The following CCDC116 variants were observed in gnomAD, a reference collection of about 807,000 sequenced individuals.
CCDC116 encodes coiled-coil domain-containing protein 116.
A neutral mutation model predicts 29.4 loss-of-function variants in CCDC116; 24 were observed. The ratio of observed to expected loss-of-function variants is 0.82; its 90% CI spans 0.59 to 1.15. The LOEUF is 1.15. Ranked by LOEUF, CCDC116 falls within the 50% of genes most tolerant of loss-of-function variation. The pLI is 0.00. For missense variants in CCDC116, 791 were observed against 804.0 expected (o/e 0.98, Z 0.20); for synonymous variants, 298 against 331.4 (o/e 0.90, Z 1.10).
intron 4 of CCDC116, chr22:21,635,799 G>T: frequency 1.7e-6 from 1 of 584,918 alleles, no homozygotes; most frequent in South Asian, 2.2e-5. Context: ...TTTTTATGCT[G>T]GGTATTTTTT....
In CCDC116 at chr22:21,635,066, C is replaced by T. The variant is rs765855779; in HGVS notation, c.1003C>T (p.Leu335=). The stretch of plus-strand genomic sequence containing the variant: ...CGCCCACTGCCGCGACGGCCGTCCT[C>T]TGTTCCCCACCAGCTTGGAGCCCAC... The part of the protein sequence containing the change: ...RGAHCRDGRP[L]FPTSLEPTSD... Residue 335 remains leucine (L), a synonymous_variant, in exon 4 of 5, where the codon CTG becomes TTG. Transcript: ENST00000292779. The T allele has an allele frequency of 6.2e-7, 1 of 1,609,426 alleles. No homozygotes were observed. Among genetic ancestry groups the T allele is most frequent in the Admixed American group, 1.7e-5 (1 of 60,026 alleles).
Position 21,634,837 on chromosome 22 carries a change from G to A in CCDC116, c.774G>A (p.Pro258=), listed in dbSNP as rs763147643. Residue 258 remains proline (P), a synonymous_variant, in exon 4 of 5, where the codon CCG becomes CCA. Transcript: ENST00000292779. ...CTGGCGTGCCTGAAGCATCAGAGCC[G>A]AGGCCTGGAGAACAGGAGCCAATCT... ...SSSGVPEASE[P]RPGEQEPIFR... The A allele has an allele frequency of 6.2e-6, 10 of 1,613,896 alleles. No individual in the cohort carries two copies. Among genetic ancestry groups the A allele is most frequent in the African/African-American group, 4.0e-5 (3 of 74,926 alleles).
At chr22:21,633,954 A>G in intron 2 of CCDC116, 68 bp from the exon 3 acceptor site, 1 of 1,454,252 alleles carries the variant, frequency 6.9e-7, no homozygotes, top group South Asian at 1.3e-5. Flanking sequence ...CCCAGGTCCT[A>G]GTGTTACCCC....
In CCDC116 at chr22:21,635,107, T is replaced by C; in HGVS notation, c.1044T>C (p.Pro348=). ...TSLEPTSDLP[P]LGSEPAKPTN... is the part of the protein sequence containing the mutation. ...TGGAGCCCACCTCAGATCTGCCGCC[T>C]CTGGGCTCTGAGCCAGCTAAACCCA... is the stretch of plus-strand genomic sequence containing the variant. The change falls in exon 4 of 5, where the codon CCT becomes CCC. Residue 348 remains proline (P), a synonymous_variant. Transcript: ENST00000292779. The C allele has an allele frequency of 4.4e-6, 7 of 1,607,066 alleles. No homozygotes were observed. Among genetic ancestry groups the C allele is most frequent in the Non-Finnish European group, 5.9e-6 (7 of 1,179,968 alleles).
Position 21,634,204 on chromosome 22 carries a change from C to G in CCDC116, c.255C>G (p.Ser85Arg), listed in dbSNP as rs753169108. Reference sequence around the variant, plus strand: ...TAACTGAGAGCCAGGTCCTGGACAGCCTGGAGACAGTGGTGGAGAAGGCGA... The same window carrying G: ...TAACTGAGAGCCAGGTCCTGGACAGGCTGGAGACAGTGGTGGAGAAGGCGA... ...DFLTESQVLD[S>R]LETVVEKATE... The change falls in exon 3 of 5, where the codon AGC becomes AGG. Residue 85 changes from serine (S) to arginine (R), a missense_variant. Ser to Arg is a moderately radical substitution (Grantham distance 110). Transcript: ENST00000292779. 1 of 1,614,228 alleles carries G rather than the reference C, an allele frequency of 6.2e-7. No homozygotes were observed. The highest frequency in any genetic ancestry group is 1.1e-5 in the South Asian group (1 of 91,090).
Position 21,635,159 on chromosome 22 carries a change from C to G in CCDC116, c.1096C>G (p.Pro366Ala). 1.2e-6 allele frequency: 2 copies of G among 1,601,850 alleles called. No individual in the cohort carries two copies. Among genetic ancestry groups the G allele is most frequent in the Non-Finnish European group, 1.7e-6 (2 of 1,179,892 alleles). Residue 366 changes from proline to alanine, a missense_variant, in exon 4 of 5, where the codon CCC becomes GCC. Pro to Ala is a conservative substitution (Grantham distance 27). Coordinates refer to ENST00000292779, the MANE Select transcript of CCDC116 (RefSeq NM_152612.3). Reference sequence around the variant, plus strand: ...CAATGGCGGGCAGCCCTATGCTTCCCCCCGCCCCACAGTCTCCAGCCCCAA... The same window carrying G: ...CAATGGCGGGCAGCCCTATGCTTCCGCCCGCCCCACAGTCTCCAGCCCCAA... The part of the protein sequence containing the change: ...PTNGGQPYAS[P>A]RPTVSSPKML...
Position 21,635,047 on chromosome 22 carries a change from C to G in CCDC116, c.984C>G (p.His328Gln). Residue 328 changes from histidine to glutamine, a missense_variant, in exon 4 of 5, where the codon CAC (histidine) becomes CAG (glutamine). Transcript: ENST00000292779. Reference sequence around the variant, plus strand: ...CTGTGGATAAGCTCCGTGGCGCCCACTGCCGCGACGGCCGTCCTCTGTTCC... The same window carrying G: ...CTGTGGATAAGCTCCGTGGCGCCCAGTGCCGCGACGGCCGTCCTCTGTTCC... ...SQAVDKLRGAHCRDGRPLFPT... is the reference protein window; with the variant it reads ...SQAVDKLRGAQCRDGRPLFPT... The G allele has an allele frequency of 1.9e-6, 3 of 1,609,964 alleles. No individual in the cohort carries two copies. Among genetic ancestry groups the G allele is most frequent in the Non-Finnish European group, 2.5e-6 (3 of 1,180,002 alleles).
intron 4 of CCDC116, 65 bp downstream of exon 4, chr22:21,635,331 A>ACTCAGATC: frequency 7.3e-7 from 1 of 1,367,614 alleles, no homozygotes; most frequent in Non-Finnish European, 1.0e-6. Context: ...GAGGCACCTG[A>ACTCAGATC]CTCAGATCCC....
chr22:21,637,249 C>A lies in CCDC116; in HGVS notation c.*179C>A. The A allele has an allele frequency of 1.2e-6, 1 of 810,482 alleles. No individual in the cohort carries two copies. The highest frequency in any genetic ancestry group is 1.8e-6 in the Non-Finnish European group (1 of 553,098). 50.2% of individuals were successfully genotyped at this position (810,482 alleles called of 1,614,324 possible). On this transcript the variant is annotated 3_prime_UTR_variant, in exon 5 of 5. Transcript: ENST00000292779. ...ACAGGCTGAATGCCCACGAGGAGCT[C>A]TGCTGAGACTCTCAAGGGAGCCAGT... is the stretch of plus-strand genomic sequence containing the variant.
Position 21,634,176 on chromosome 22 carries a change from T to C in CCDC116, c.227T>C (p.Phe76Ser). ...HPQPFGHFLDFLTESQVLDSL... is the reference protein window; with the variant it reads ...HPQPFGHFLDSLTESQVLDSL... Reference sequence around the variant, plus strand: ...CAGCCCTTTGGCCACTTTCTGGATTTCCTAACTGAGAGCCAGGTCCTGGAC... The same window carrying C: ...CAGCCCTTTGGCCACTTTCTGGATTCCCTAACTGAGAGCCAGGTCCTGGAC... Residue 76 changes from phenylalanine (F) to serine (S), a missense_variant, in exon 3 of 5, where the codon TTC (phenylalanine) becomes TCC (serine). Transcript: ENST00000292779. 1 of 1,614,256 alleles carries C rather than the reference T, an allele frequency of 6.2e-7. No individual in the cohort carries two copies. The highest frequency in any genetic ancestry group is 8.5e-7 in the Non-Finnish European group (1 of 1,180,036).
In CCDC116 at chr22:21,636,835, A is replaced by C. The variant is rs1418183726; in HGVS notation, c.1607A>C (p.Gln536Pro). 3 of 1,613,356 alleles carry C rather than the reference A, an allele frequency of 1.9e-6. No homozygotes were observed. The highest frequency in any genetic ancestry group is 2.5e-6 in the Non-Finnish European group (3 of 1,180,024). The change falls in exon 5 of 5, where the codon CAG becomes CCG. Residue 536 changes from glutamine to proline, a missense_variant. Coordinates refer to ENST00000292779, the MANE Select transcript of CCDC116 (RefSeq NM_152612.3). Reference sequence around the variant, plus strand: ...CAGGAACCAGCCACCCACACTGCCCAGGACCAGGCCACAGAGCCCTGCCGC... The same window carrying C: ...CAGGAACCAGCCACCCACACTGCCCCGGACCAGGCCACAGAGCCCTGCCGC... Reference protein sequence around the residue: ...VQQEPATHTAQDQATEPCRSL... With the variant: ...VQQEPATHTAPDQATEPCRSL...
Position 21,634,762 on chromosome 22 carries a change from G to A in CCDC116, c.699G>A (p.Trp233Ter). The change falls in exon 4 of 5, where the codon TGG (tryptophan) becomes TGA (stop). Residue 233 changes from tryptophan to a stop codon, truncating the protein, a stop_gained. Transcript: ENST00000292779. LOFTEE classifies it high-confidence loss of function. ...TGGGTAGCCAGACCAGCTTTCAGTGGACACAGGAGCAGCCCTTGTCCTGGT... is the reference window on the plus strand; with the variant it reads ...TGGGTAGCCAGACCAGCTTTCAGTGAACACAGGAGCAGCCCTTGTCCTGGT... Reference protein sequence around the residue: ...DSLGSQTSFQWTQEQPLSWFS... With the variant: ...DSLGSQTSFQ 1 of 1,613,804 alleles carries A rather than the reference G, an allele frequency of 6.2e-7. No homozygotes were observed. The highest frequency in any genetic ancestry group is 8.5e-7 in the Non-Finnish European group (1 of 1,179,828).
intron 4 of CCDC116, chr22:21,635,893 C>T (rs1004640317): frequency 5.8e-5 from 27 of 467,376 alleles, no homozygotes; most frequent in Admixed American, 3.9e-5. Context: ...CAAGCCCAGC[C>T]GGGGCCTTGC....
chr22:21,633,623 C>T (rs1930642894), intron 2 of CCDC116, among the ~76,000 whole-genome samples: 1 of 152,156 alleles, frequency 6.6e-6, no homozygotes, highest in Non-Finnish European at 1.5e-5. Flanking sequence ...TGCAGCCCTG[C>T]CATGGATACA....
rs751448501 is a variant in CCDC116, at chr22:21,636,620, C to T, written c.1392C>T (p.Phe464=). The change falls in exon 5 of 5, where the codon TTC becomes TTT. Residue 464 remains phenylalanine (F), a synonymous_variant. Transcript: ENST00000292779. ...EKDLSKQLGF[F]SFPITHVLRD... Reference sequence around the variant, plus strand: ...ACCTCAGTAAGCAGCTGGGCTTCTTCTCCTTCCCCATCACCCACGTGCTCA... The same window carrying T: ...ACCTCAGTAAGCAGCTGGGCTTCTTTTCCTTCCCCATCACCCACGTGCTCA... The T allele has an allele frequency of 6.2e-7, 1 of 1,614,172 alleles. No individual in the cohort carries two copies. The highest frequency in any genetic ancestry group is 8.5e-7 in the Non-Finnish European group (1 of 1,180,020).
At position 21,633,103 on chromosome 22, in the gene CCDC116, C is replaced by A; in HGVS notation, c.-62-17C>A. The A allele has an allele frequency of 8.2e-7, 1 of 1,222,650 alleles. No individual in the cohort carries two copies. Among genetic ancestry groups the A allele is most frequent in the Non-Finnish European group, 1.2e-6 (1 of 847,878 alleles). The allele number at this position is 1,222,650 out of a possible 1,614,324, so 75.7% of individuals were successfully genotyped here. A position where few individuals can be genotyped will look rare whatever the true frequency, so the allele number is the denominator to read the frequency against. ...GACCTATTGGAGACCCTCAGGTTGT[C>A]TCCCCACCCCACGCAGAGAGGAATG... is the stretch of plus-strand genomic sequence containing the variant. On this transcript the variant is annotated splice_polypyrimidine_tract_variant and intron_variant, in intron 1 of 4. Transcript: ENST00000292779.
rs746628255 is a variant in CCDC116, at chr22:21,633,224, G to A, written c.43G>A (p.Glu15Lys). ...CCACTCGGGTTACCTGGCCGATGAC[G>A]AGGCCAGCCACTCCATGTGCAGTGC... ...RHHSGYLADD[E>K]ASHSMCSARV... Residue 15 changes from glutamate (E) to lysine (K), a missense_variant, in exon 2 of 5, where the codon GAG becomes AAG. Physicochemically the swap from Glu to Lys is moderately conservative, Grantham distance 56. Transcript: ENST00000292779. 2.6e-6 allele frequency: 4 copies of A among 1,550,780 alleles called. No homozygotes were observed. The highest frequency in any genetic ancestry group is 1.2e-5 in the South Asian group (1 of 84,078).
chr22:21,634,897 A>T lies in CCDC116; in HGVS notation c.834A>T (p.Ser278=). ...GAGAGTTCAATAAGGAGATCAAGTCATTACTGAGCCAGCTGGAGTCCCTCG... is the reference window on the plus strand; with the variant it reads ...GAGAGTTCAATAAGGAGATCAAGTCTTTACTGAGCCAGCTGGAGTCCCTCG... The part of the protein sequence containing the change: ...RKREFNKEIK[S]LLSQLESLDL... Residue 278 remains serine (S), a synonymous_variant, in exon 4 of 5, where the codon TCA becomes TCT. Transcript: ENST00000292779. 2 of 1,613,964 alleles carry T rather than the reference A, an allele frequency of 1.2e-6. No individual in the cohort carries two copies. Among genetic ancestry groups the T allele is most frequent in the Non-Finnish European group, 1.7e-6 (2 of 1,180,014 alleles).
intron 3 of CCDC116, 40 bp from the exon 4 acceptor site, chr22:21,634,645 C>T (rs1422333864): frequency 6.4e-7 from 1 of 1,568,996 alleles, no homozygotes; most frequent in Admixed American, 1.8e-5. Flanking sequence ...CCTGGCTTGG[C>T]TGCTCCTGAA....
Sources: gnomAD v4.1 joint callset for allele counts (sites outside exome capture counted in the v4.1 genomes callset) on GRCh38, gnomAD v4.1.1 for gene constraint, MANE v1.5 for transcripts, NCBI Gene and HGNC (gene_info 2026-07-23, HGNC 2026-07-21) for gene names.